The following SENP5 variants were observed in gnomAD, a reference collection of about 807,000 sequenced individuals.
SENP5 encodes the protein SUMO specific peptidase 5.
A neutral mutation model predicts 74.2 loss-of-function variants in SENP5; 21 were observed. That is an observed-to-expected ratio of 0.28 (90% CI 0.20 to 0.41). SENP5 has a LOEUF of 0.41. SENP5 is among the 10% of genes least tolerant of loss of function. The pLI, the probability that SENP5 is intolerant of heterozygous loss-of-function variation, is 1.00. For synonymous variants in SENP5, 311 were observed against 312.7 expected (o/e 0.99, Z 0.06); for missense variants, 717 against 889.1 (o/e 0.81, Z 2.46).
chr3:196,926,969 G>A (rs550780722), intron 7 of SENP5, among the ~76,000 whole-genome samples: 2 of 152,116 alleles, frequency 1.3e-5, no homozygotes, highest in African/African-American at 4.8e-5. Context: ...TGGGGGGTGG[G>A]GTGGGTTATT....
intron 6 of SENP5, among the ~76,000 whole-genome samples, chr3:196,918,031 C>T (rs1263371928): frequency 3.3e-5 from 5 of 151,528 alleles, no homozygotes; most frequent in African/African-American, 4.9e-5. Context: ...AAACAATGGC[C>T]GGGCACGGTG....
chr3:196,873,153 A>C (rs966767291), intron 1 of SENP5, among the ~76,000 whole-genome samples: 2 of 146,462 alleles, frequency 1.4e-5, no homozygotes, highest in African/African-American at 5.1e-5. Context: ...GGCTCACTGC[A>C]ACCTCCACCT....
intron 1 of SENP5, among the ~76,000 whole-genome samples, chr3:196,875,056 G>A (rs1458501066): frequency 6.6e-6 from 1 of 152,146 alleles, no homozygotes; most frequent in African/African-American, 2.4e-5. Flanking sequence ...ATATCTAGCT[G>A]TATATATCCA....
intron 2 of SENP5, among the ~76,000 whole-genome samples, chr3:196,896,237 G>T (rs1369118254): frequency 6.6e-6 from 1 of 152,202 alleles, no homozygotes; most frequent in Non-Finnish European, 1.5e-5. Context: ...TTGGCCCACA[G>T]ATATTAAAAA....
intron 6 of SENP5, among the ~76,000 whole-genome samples, chr3:196,922,999 C>T (rs113543464): frequency 4.6e-5 from 7 of 152,178 alleles, no homozygotes; most frequent in South Asian, 2.1e-4. Context: ...GCAGTTTTTC[C>T]GCCTCAGCCT....
intron 6 of SENP5, among the ~76,000 whole-genome samples, chr3:196,904,754 A>T (rs1171234177): frequency 6.6e-6 from 1 of 152,110 alleles, no homozygotes; most frequent in Non-Finnish European, 1.5e-5. Context: ...GCACTATTGC[A>T]CTCCAGCCTT....
rs1484027504 is a variant in SENP5, at chr3:196,931,657, A to C, written c.*734A>C. The stretch of plus-strand genomic sequence containing the variant: ...AATTATAATACGTGGCATACATCTC[A>C]TAAAGGCTTTTGCTGGGATATTGAA... On this transcript the variant is annotated 3_prime_UTR_variant, in exon 10 of 10. Coordinates refer to ENST00000323460, the MANE Select transcript of SENP5 (RefSeq NM_152699.5). The C allele has an allele frequency of 1.1e-5, 3 of 283,408 alleles. No individual in the cohort carries two copies. Among genetic ancestry groups the C allele is most frequent in the Non-Finnish European group, 2.1e-5 (3 of 145,184 alleles). 17.6% of individuals were successfully genotyped at this position (283,408 alleles called of 1,614,324 possible). A position where few individuals can be genotyped will look rare whatever the true frequency, so the allele number is the denominator to read the frequency against.
At chr3:196,880,866 C>T (rs1027181388) in intron 1 of SENP5, among the ~76,000 whole-genome samples, 2 of 152,000 alleles carry the variant, frequency 1.3e-5, no homozygotes, top group African/African-American at 2.4e-5. Flanking sequence ...GTCTCGAACT[C>T]GCGACCTCAG....
At chr3:196,901,293 C>T (rs950258114) in intron 5 of SENP5, among the ~76,000 whole-genome samples, 9 of 151,906 alleles carry the variant, frequency 5.9e-5, no homozygotes, top group African/African-American at 1.5e-4. Flanking sequence ...GATCCGCCCA[C>T]CTCCCCCTCC....
intron 6 of SENP5, among the ~76,000 whole-genome samples, chr3:196,918,554 A>G (rs891215860): frequency 1.8e-4 from 27 of 152,122 alleles, no homozygotes; most frequent in Admixed American, 1.6e-3. Flanking sequence ...AAATAAAACT[A>G]TACTACCAGA....
rs73891553 is a variant in SENP5, at chr3:196,874,913, G to A, written c.-32+6840G>A. Among the ~76,000 whole-genome samples the A allele has an allele frequency of 7.1e-3, 1,079 of 152,036 alleles. 8 individuals are homozygous for A. The highest frequency in any genetic ancestry group is 0.025 in the African/African-American group (1,023 of 41,486). On this transcript the variant is annotated intron_variant, in intron 1 of 9. Transcript: ENST00000323460. ...AGAGTTCCTTGGGCTATTGCCCTAG[G>A]GTACATTCTCTCATTCTCTTCTACC...
At chr3:196,907,342 C>T (rs944649542) in intron 6 of SENP5, among the ~76,000 whole-genome samples, 1 of 151,016 alleles carries the variant, frequency 6.6e-6, no homozygotes, top group Non-Finnish European at 1.5e-5. Flanking sequence ...GGCGTGGTGA[C>T]GGATGCCTGT....
intron 1 of SENP5, among the ~76,000 whole-genome samples, chr3:196,874,869 G>GAA (rs769406120): frequency 1.4e-5 from 2 of 144,522 alleles, no homozygotes; most frequent in Non-Finnish European, 3.1e-5. Flanking sequence ...ACAAGAGTGG[G>GAA]AAAAAAAAAA....
intron 1 of SENP5, among the ~76,000 whole-genome samples, chr3:196,880,009 G>C (rs1373730864): frequency 6.6e-6 from 1 of 152,044 alleles, no homozygotes; most frequent in Non-Finnish European, 1.5e-5. Flanking sequence ...GCAGTGGCGT[G>C]ATCTCGGCTC....
At position 196,899,938 on chromosome 3, in the gene SENP5, A is replaced by G. The variant is rs772938367; in HGVS notation, c.1634A>G (p.Asn545Ser). ...EDFSNRKPFINREITNYRARH... is the reference protein window; with the variant it reads ...EDFSNRKPFISREITNYRARH... ...TTCTCTTTCAGAAAACCATTTATCA[A>G]TAGGGAAATAACAAACTATCGGGCC... Residue 545 changes from asparagine to serine, a missense_variant, in exon 4 of 10, where the codon AAT becomes AGT. Physicochemically the swap from Asn to Ser is conservative, Grantham distance 46. Around this residue, in one of 4 missense-constraint regions of SENP5, gnomAD observed 64 missense variants for 100.8 expected, o/e 0.64. Coordinates refer to ENST00000323460, the MANE Select transcript of SENP5 (RefSeq NM_152699.5). 8 of 1,613,526 alleles carry G rather than the reference A, an allele frequency of 5.0e-6. No individual in the cohort carries two copies. The East Asian group carries it at 1.1e-4, about 22-fold the overall frequency.
At chr3:196,899,808 A>G in intron 3 of SENP5, 37 bp downstream of exon 3, 1 of 1,556,920 alleles carries the variant, frequency 6.4e-7, no homozygotes, top group Non-Finnish European at 8.8e-7. Flanking sequence ...CCTTGAAAAT[A>G]AAATTTTTGG....
chr3:196,920,160 G>A (rs1353034652), intron 6 of SENP5, among the ~76,000 whole-genome samples: 2 of 152,134 alleles, frequency 1.3e-5, no homozygotes, highest in African/African-American at 2.4e-5. Context: ...TGGGGAGAAT[G>A]GACATCTAAT....
intron 2 of SENP5, among the ~76,000 whole-genome samples, 191 bp downstream of exon 2, chr3:196,886,885 T>C (rs559836190): frequency 1.1e-3 from 168 of 152,322 alleles, no homozygotes; most frequent in African/African-American, 3.8e-3. Context: ...ACACTTGCAT[T>C]GATTCCATTT....
chr3:196,870,941 C>T lies in SENP5; in HGVS notation c.-32+2868C>T, dbSNP rs529739124. ...ATCCCAGCACTTTGGGAGGCCGAGG[C>T]GGGTGGATCACGAGTCAGGAGTTAG... is the stretch of plus-strand genomic sequence containing the variant. On this transcript the variant is annotated intron_variant, in intron 1 of 9. Transcript: ENST00000323460. 6.6e-5 allele frequency among the ~76,000 whole-genome samples: 10 copies of T among 151,210 alleles called. No homozygotes were observed. In the East Asian group the frequency reaches 2.0e-3, roughly 30 times the overall value.
Sources: allele counts gnomAD v4.1 joint callset (sites outside exome capture counted in the v4.1 genomes callset), GRCh38; gene constraint gnomAD v4.1.1; regional missense constraint gnomAD v4.1.1; transcripts MANE v1.5; gene names NCBI Gene and HGNC (gene_info 2026-07-23, HGNC 2026-07-21).